Variants in DCPH1 observed in about 807,000 individuals in gnomAD.
DCPH1 encodes the protein damage control phosphatase 1.
At chr6:151,455,073 T>G in the DCPH1 span, among the ~76,000 whole-genome samples, 1 of 152,168 alleles carries the variant, frequency 6.6e-6, no homozygotes, top group African/African-American at 2.4e-5. Context: ...CAAAGCTCAG[T>G]GATATGAATT....
At chr6:151,455,760 C>T in the DCPH1 span, among the ~76,000 whole-genome samples, 23 of 152,254 alleles carry the variant, frequency 1.5e-4, no homozygotes, top group African/African-American at 5.3e-4. Flanking sequence ...AGACCCTTTA[C>T]GGGTGTCGGG....
the DCPH1 span, among the ~76,000 whole-genome samples, chr6:151,462,279 A>G: frequency 6.6e-6 from 1 of 152,230 alleles, no homozygotes; most frequent in Non-Finnish European, 1.5e-5. Context: ...TTGTGTACCC[A>G]GTGCCCAGAT....
the DCPH1 span, chr6:151,469,922 A>G: frequency 6.6e-6 from 1 of 152,232 alleles, no homozygotes; most frequent in African/African-American, 2.4e-5. Flanking sequence ...TTATGCATTG[A>G]ATTTGGAGTA....
the DCPH1 span, chr6:151,452,719 G>A: frequency 3.1e-6 from 3 of 956,192 alleles, no homozygotes; most frequent in Non-Finnish European, 4.6e-6. Flanking sequence ...GGCTTTCCGG[G>A]GCGCCTTTGC....
At chr6:151,459,278 T>C in the DCPH1 span, among the ~76,000 whole-genome samples, 4 of 152,360 alleles carry the variant, frequency 2.6e-5, no homozygotes, top group Admixed American at 2.0e-4. Flanking sequence ...AAAGTAAGCA[T>C]ATGTTTTGTT....
chr6:151,456,055 G>A, the DCPH1 span, among the ~76,000 whole-genome samples: 2 of 152,170 alleles, frequency 1.3e-5, no homozygotes, highest in African/African-American at 4.8e-5. Flanking sequence ...GGGGTTGGGG[G>A]TAAGGTTATA....
At chr6:151,469,132 T>G in the DCPH1 span, 1 of 1,569,888 alleles carries the variant, frequency 6.4e-7, no homozygotes. Flanking sequence ...AGCTCTCAGT[T>G]GCATAGAAAG....
the DCPH1 span, chr6:151,468,756 A>G: frequency 3.1e-6 from 5 of 1,614,092 alleles, no homozygotes; most frequent in African/African-American, 6.7e-5. Flanking sequence ...AGTATATTAA[A>G]ATGGGTAAAT....
At chr6:151,466,252 G>GT in the DCPH1 span, among the ~76,000 whole-genome samples, 1 of 151,048 alleles carries the variant, frequency 6.6e-6, no homozygotes. Flanking sequence ...CTTGTTTTTT[G>GT]TTTTTTCCTG....
chr6:151,468,289 G>A, the DCPH1 span: 2 of 1,283,016 alleles, frequency 1.6e-6, no homozygotes, highest in Admixed American at 4.8e-5. Context: ...ACATAATGGA[G>A]TTTTGTTGGC....
chr6:151,452,559 C>A, the DCPH1 span: 1 of 1,611,656 alleles, frequency 6.2e-7, no homozygotes, highest in Non-Finnish European at 8.5e-7. Flanking sequence ...GCTGTCGTCC[C>A]GGCGTCTCTC....
chr6:151,453,100 CCTTA>C, the DCPH1 span, among the ~76,000 whole-genome samples: 1 of 152,152 alleles, frequency 6.6e-6, no homozygotes, highest in Non-Finnish European at 1.5e-5. Context: ...TGAAATTTGT[CCTTA>C]CTTCAAAATA....
the DCPH1 span, chr6:151,452,696 C>A: frequency 1.7e-6 from 2 of 1,146,196 alleles, no homozygotes; most frequent in Non-Finnish European, 2.5e-6. Context: ...GTTCGAGTCC[C>A]GCCGCCGGGC....
chr6:151,460,688 G>A, the DCPH1 span, among the ~76,000 whole-genome samples: 2 of 151,866 alleles, frequency 1.3e-5, no homozygotes, highest in African/African-American at 2.4e-5. Context: ...GGAGGCTGAG[G>A]CAGGAGAATC....
the DCPH1 span, among the ~76,000 whole-genome samples, chr6:151,456,122 T>G: frequency 1.3e-3 from 195 of 152,336 alleles, 1 homozygote; most frequent in African/African-American, 4.3e-3. Flanking sequence ...AAATGGAGTC[T>G]CCTATGTCTA....
the DCPH1 span, among the ~76,000 whole-genome samples, chr6:151,464,933 G>A: frequency 1.3e-5 from 2 of 152,208 alleles, no homozygotes; most frequent in African/African-American, 4.8e-5. Context: ...TGGTCTCCCA[G>A]CTGACTTGGG....
the DCPH1 span, among the ~76,000 whole-genome samples, chr6:151,457,929 T>C: frequency 0.46 from 69,243 of 151,862 alleles, 17,291 homozygotes; most frequent in African/African-American, 0.67. Flanking sequence ...AGCTAGAACT[T>C]GGTGGAAAAC....
the DCPH1 span, among the ~76,000 whole-genome samples, chr6:151,467,492 CTTCTA>C: frequency 6.6e-6 from 1 of 151,878 alleles, no homozygotes; most frequent in South Asian, 2.1e-4. Flanking sequence ...TTATTGAGTA[CTTCTA>C]TATGCCAGGT....
chr6:151,462,316 A>G, the DCPH1 span, among the ~76,000 whole-genome samples: 8 of 152,318 alleles, frequency 5.3e-5, 1 homozygote, highest in African/African-American at 1.7e-4. Flanking sequence ...ACAGACCCCA[A>G]AAGTCCACTT....
Sources: gnomAD v4.1 joint callset for allele counts (sites outside exome capture counted in the v4.1 genomes callset) on GRCh38, gnomAD v4.1.1 for gene constraint, MANE v1.5 for transcripts, NCBI Gene and HGNC (gene_info 2026-07-23, HGNC 2026-07-21) for gene names.